The following GLMN variants were observed in gnomAD, a reference collection of about 807,000 sequenced individuals.
GLMN encodes glomulin.
GLMN carries 75 observed loss-of-function variants against 87.8 expected under a neutral mutation model. The observed-to-expected ratio is 0.85, with a 90% CI of 0.71 to 1.04. The LOEUF is 1.04. Ranked by LOEUF, GLMN falls within the 50% of genes least tolerant of loss-of-function variation. The pLI is 0.00. For missense variants in GLMN, 588 were observed against 658.8 expected (o/e 0.89, Z 1.18); for synonymous variants, 206 against 221.6 (o/e 0.93, Z 0.63).
the GLMN span, chr1:92,320,528 C>T: frequency 7.7e-6 from 10 of 1,301,126 alleles, no homozygotes; most frequent in South Asian, 3.7e-5. Flanking sequence ...GCCCAGCCTC[C>T]GAAAGTGCTG....
the GLMN span, among the ~76,000 whole-genome samples, chr1:92,360,488 A>G: frequency 6.6e-6 from 1 of 152,192 alleles, no homozygotes; most frequent in Non-Finnish European, 1.5e-5. Flanking sequence ...AAATTGTCAG[A>G]AGATTCTCAG....
the GLMN span, among the ~76,000 whole-genome samples, chr1:92,340,838 A>T: frequency 1.3e-5 from 2 of 152,168 alleles, no homozygotes; most frequent in Non-Finnish European, 2.9e-5. Context: ...AGCAGTTTCC[A>T]TCAGAATCTG....
the GLMN span, among the ~76,000 whole-genome samples, chr1:92,339,705 A>T: frequency 6.6e-6 from 1 of 151,588 alleles, no homozygotes; most frequent in Non-Finnish European, 1.5e-5. Context: ...TGTGTTTTTT[A>T]AAATATTATT....
chr1:92,314,525 G>A, the GLMN span, among the ~76,000 whole-genome samples: 1 of 152,128 alleles, frequency 6.6e-6, no homozygotes. Context: ...CAAGGCCGGT[G>A]GATCACTTGA....
chr1:92,273,429 TA>T (rs1248298334), intron 7 of GLMN, among the ~76,000 whole-genome samples: 2 of 148,628 alleles, frequency 1.3e-5, no homozygotes, highest in African/African-American at 4.9e-5. Flanking sequence ...TTTTCCAGAG[TA>T]AGGTAGCCCT....
the GLMN span, among the ~76,000 whole-genome samples, chr1:92,333,040 A>G: frequency 6.6e-6 from 1 of 152,100 alleles, no homozygotes; most frequent in Non-Finnish European, 1.5e-5. Flanking sequence ...TCCTCATAAT[A>G]TATTTATAGT....
At chr1:92,305,450 A>AAAAAAAAAAAAAAAAAAAAC in the GLMN span, among the ~76,000 whole-genome samples, 7 of 141,910 alleles carry the variant, frequency 4.9e-5, 2 homozygotes, top group African/African-American at 2.1e-4. Flanking sequence ...AAAAAAAAAA[A>AAAAAAAAAAAAAAAAAAAAC]AGACAATATG....
chr1:92,292,711 C>T (rs1474014646), intron 3 of GLMN, among the ~76,000 whole-genome samples: 1 of 147,648 alleles, frequency 6.8e-6, no homozygotes, highest in Admixed American at 6.7e-5. Flanking sequence ...GCGTGAGCCA[C>T]CGCACCCCGT....
chr1:92,267,499 C>T (rs535281139), intron 11 of GLMN, among the ~76,000 whole-genome samples: 1 of 151,882 alleles, frequency 6.6e-6, no homozygotes, highest in African/African-American at 2.4e-5. Context: ...GTCAGGAGAT[C>T]GAGACCATCC....
chr1:92,264,927 C>T (rs903322227), intron 13 of GLMN, among the ~76,000 whole-genome samples: 6 of 152,158 alleles, frequency 3.9e-5, no homozygotes, highest in African/African-American at 9.7e-5. Flanking sequence ...CTGCAACCTC[C>T]GCCTCCCGGG....
At chr1:92,308,887 G>A in the GLMN span, among the ~76,000 whole-genome samples, 1 of 152,110 alleles carries the variant, frequency 6.6e-6, no homozygotes, top group African/African-American at 2.4e-5. Context: ...TTGAACCTGG[G>A]AGGCGGAGGT....
intron 16 of GLMN, among the ~76,000 whole-genome samples, chr1:92,249,829 C>T (rs140110132): frequency 1.3e-3 from 202 of 152,216 alleles, no homozygotes; most frequent in South Asian, 0.011. Flanking sequence ...TCTGTATCCA[C>T]GAGATCAAGT....
chr1:92,312,625 T>C, the GLMN span, among the ~76,000 whole-genome samples: 2 of 152,204 alleles, frequency 1.3e-5, no homozygotes, highest in Non-Finnish European at 2.9e-5. Flanking sequence ...ATGAGATTGA[T>C]GCAATTCAGT....
At chr1:92,323,330 T>A in the GLMN span, 1 of 615,660 alleles carries the variant, frequency 1.6e-6, no homozygotes, top group Non-Finnish European at 2.6e-6. Flanking sequence ...GAATAAAAAT[T>A]TCTACCTTGA....
At chr1:92,246,942 G>A in intron 18 of GLMN, 120 bp downstream of exon 18, 1 of 748,286 alleles carries the variant, frequency 1.3e-6, no homozygotes, top group East Asian at 2.4e-5. Flanking sequence ...TGGATCACTT[G>A]AGCCCAGGGA....
chr1:92,281,093 A>G (rs541526845), intron 7 of GLMN, among the ~76,000 whole-genome samples: 13 of 152,324 alleles, frequency 8.5e-5, no homozygotes, highest in African/African-American at 3.1e-4. Context: ...GCAGGCCAAC[A>G]TTCAAATTCA....
intron 3 of GLMN, among the ~76,000 whole-genome samples, chr1:92,293,135 T>TA: frequency 6.6e-6 from 1 of 152,106 alleles, no homozygotes; most frequent in East Asian, 1.9e-4. Flanking sequence ...ATAATCCGAT[T>TA]AAAAAATTGG....
At chr1:92,357,900 G>A in the GLMN span, among the ~76,000 whole-genome samples, 237 of 152,112 alleles carry the variant, frequency 1.6e-3, no homozygotes, top group Non-Finnish European at 2.6e-3. Flanking sequence ...TAAATTTTTT[G>A]TTTTTGTTTT....
intron 7 of GLMN, among the ~76,000 whole-genome samples, chr1:92,278,088 GC>G (rs1647509753): frequency 6.6e-6 from 1 of 152,136 alleles, no homozygotes; most frequent in Non-Finnish European, 1.5e-5. Flanking sequence ...ACAACTGCTT[GC>G]TTGCTTGCCG....
Sources: allele counts gnomAD v4.1 joint callset (sites outside exome capture counted in the v4.1 genomes callset), GRCh38; gene constraint gnomAD v4.1.1; transcripts MANE v1.5; gene names NCBI Gene and HGNC (gene_info 2026-07-23, HGNC 2026-07-21).